The following ANK3 variants were observed in gnomAD, a reference collection of about 807,000 sequenced individuals.
The protein encoded by ANK3 is ankyrin-3.
A neutral mutation model predicts 370.9 loss-of-function variants in ANK3; 57 were observed. The observed-to-expected ratio is 0.15, with a 90% CI of 0.12 to 0.19. The LOEUF (loss-of-function observed/expected upper bound fraction) is 0.19. ANK3 is among the 10% of genes least tolerant of loss of function. ANK3 has a pLI of 1.00. For synonymous variants in ANK3, 1,929 were observed against 1,946.3 expected (o/e 0.99, Z 0.23); for missense variants, 4,439 against 5,302.1 (o/e 0.84, Z 5.06).
chr10:60,142,951 C>T (rs1031054574), intron 23 of ANK3, among the ~76,000 whole-genome samples: 1 of 152,136 alleles, frequency 6.6e-6, no homozygotes, highest in Non-Finnish European at 1.5e-5. Flanking sequence ...GTTCCAACCT[C>T]TATAAAACTG....
intron 23 of ANK3, among the ~76,000 whole-genome samples, chr10:60,149,390 C>T (rs1331696654): frequency 1.3e-5 from 2 of 152,130 alleles, no homozygotes; most frequent in African/African-American, 4.8e-5. Context: ...GGAAGCAGGT[C>T]AGACTTTTCA....
intron 28 of ANK3, among the ~76,000 whole-genome samples, chr10:60,100,234 G>GTGTTTTTTTTTTT (rs2090963725): frequency 1.7e-5 from 1 of 57,898 alleles, no homozygotes; most frequent in Non-Finnish European, 2.8e-5. Context: ...TTTTGCTATG[G>GTGTTTTTTTTTTT]TTTTTTTTTT....
chr10:60,235,919 A>G (rs1308877385), intron 7 of ANK3, among the ~76,000 whole-genome samples: 1 of 152,214 alleles, frequency 6.6e-6, no homozygotes, highest in Non-Finnish European at 1.5e-5. Context: ...ATCATCATAC[A>G]TAATCTGAAT....
chr10:60,550,892 A>G (rs1358269865), intron 2 of ANK3, among the ~76,000 whole-genome samples: 1 of 152,046 alleles, frequency 6.6e-6, no homozygotes, highest in Non-Finnish European at 1.5e-5. Flanking sequence ...TACATCAACC[A>G]TATCATTCCA....
rs531370168 is a variant in ANK3, at chr10:60,118,880, T to A, written c.2842-4549A>T. On this transcript the variant is annotated intron_variant, in intron 25 of 43. Coordinates refer to ENST00000280772, the MANE Select transcript of ANK3 (RefSeq NM_020987.5). The stretch of plus-strand genomic sequence containing the variant: ...ATGAATTATGTCTCACAAAAAGGTA[T>A]CACTGCAATCATGTAATATTTATCA... Among the ~76,000 whole-genome samples the A allele has an allele frequency of 2.0e-5, 3 of 152,348 alleles. No homozygotes were observed. In the East Asian group the frequency reaches 5.8e-4, roughly 29 times the overall value.
At chr10:60,152,603 G>A (rs542773468) in intron 23 of ANK3, among the ~76,000 whole-genome samples, 19 of 152,236 alleles carry the variant, frequency 1.2e-4, no homozygotes, top group South Asian at 1.0e-3. Context: ...AAAGCCTTGC[G>A]TGGGTTTTAG....
chr10:60,426,713 A>G (rs866052259), intron 2 of ANK3, among the ~76,000 whole-genome samples: 3 of 152,180 alleles, frequency 2.0e-5, no homozygotes, highest in African/African-American at 7.2e-5. Flanking sequence ...GCCGTCAAGC[A>G]TCTTCCCACA....
chr10:60,299,152 C>A (rs1436509397), intron 1 of ANK3, among the ~76,000 whole-genome samples: 1 of 152,124 alleles, frequency 6.6e-6, no homozygotes, highest in East Asian at 1.9e-4. Flanking sequence ...TTCTCTGAGA[C>A]ACACAGAATG....
intron 5 of ANK3, among the ~76,000 whole-genome samples, chr10:60,267,885 T>C (rs777497447): frequency 6.6e-6 from 1 of 152,210 alleles, no homozygotes; most frequent in Non-Finnish European, 1.5e-5. Flanking sequence ...TAACCAACAG[T>C]CTCTGCCTGT....
intron 2 of ANK3, among the ~76,000 whole-genome samples, chr10:60,599,319 T>C (rs950888353): frequency 1.5e-4 from 23 of 152,134 alleles, no homozygotes; most frequent in African/African-American, 5.5e-4. Flanking sequence ...TACTACAAAA[T>C]ATGTTAACTA....
chr10:60,169,915 G>A (rs995692231), intron 21 of ANK3, among the ~76,000 whole-genome samples: 4 of 152,086 alleles, frequency 2.6e-5, no homozygotes, highest in African/African-American at 4.8e-5. Flanking sequence ...ATTTACTTTT[G>A]TTGGGGGAGG....
At chr10:60,139,149 GA>G in intron 23 of ANK3, 62 bp from the exon 24 acceptor site, 1 of 1,579,138 alleles carries the variant, frequency 6.3e-7, no homozygotes, top group Non-Finnish European at 8.6e-7. Flanking sequence ...CAGCTGTGGA[GA>G]AAATCACTCC....
intron 1 of ANK3, among the ~76,000 whole-genome samples, chr10:60,732,746 C>T (rs2080041876): frequency 6.6e-6 from 1 of 152,014 alleles, no homozygotes; most frequent in Non-Finnish European, 1.5e-5. Context: ...CTTTCAGAGT[C>T]TGAAGGTAAC....
intron 2 of ANK3, among the ~76,000 whole-genome samples, chr10:60,533,155 C>A (rs183831775): frequency 1.3e-5 from 2 of 152,074 alleles, no homozygotes; most frequent in African/African-American, 4.8e-5. Context: ...AATTTGGACA[C>A]GACTGGACCA....
chr10:60,353,672 T>G (rs2057294626), intron 1 of ANK3, among the ~76,000 whole-genome samples: 1 of 152,208 alleles, frequency 6.6e-6, no homozygotes, highest in African/African-American at 2.4e-5. Flanking sequence ...ATTCCCTGCA[T>G]GTGCTGTTGC....
Position 60,186,844 on chromosome 10 carries a change from T to C in ANK3, c.1956A>G (p.Glu652=). 2 of 1,614,202 alleles carry C rather than the reference T, an allele frequency of 1.2e-6. No individual in the cohort carries two copies. Among genetic ancestry groups the C allele is most frequent in the Non-Finnish European group, 1.7e-6 (2 of 1,180,028 alleles). ...NQMDIATTLL[E]YGADANAVTR... is the part of the protein sequence containing the mutation. ...TAACTGCGTTGGCATCAGCACCATA[T>C]TCCAGCAGAGTTGTCGCTATGTCCA... Residue 652 remains glutamate, a synonymous_variant, in exon 17 of 44, where the codon GAA becomes GAG. Coordinates refer to ENST00000280772, the MANE Select transcript of ANK3 (RefSeq NM_020987.5).
At chr10:60,150,976 G>A (rs760707289) in intron 23 of ANK3, among the ~76,000 whole-genome samples, 1 of 152,164 alleles carries the variant, frequency 6.6e-6, no homozygotes, top group Non-Finnish European at 1.5e-5. Context: ...GTAACTGTGT[G>A]AACGTGAGCA....
rs761500975 is a variant in ANK3 at position 60,076,295 on chromosome 10, G to A, written c.4586C>T (p.Ser1529Phe). 11 of 1,614,004 alleles carry A rather than the reference G, an allele frequency of 6.8e-6. No individual in the cohort carries two copies. The highest frequency in any genetic ancestry group is 1.7e-5 in the Admixed American group (1 of 59,996). The change falls in exon 37 of 44, where the codon TCT becomes TTT. Residue 1529 changes from serine (S) to phenylalanine (F), a missense_variant. By Grantham distance (155) the Ser-to-Phe change is radical. Around this residue, in one of 13 missense-constraint regions of ANK3, gnomAD observed 679 missense variants for 791.0 expected, o/e 0.86. Coordinates refer to ENST00000280772, the MANE Select transcript of ANK3 (RefSeq NM_020987.5). ...TAACGGAGAAGCTGATGGCGTATTA[G>A]AGGAAGAACTTGATAAGGAAGTGAA... ...SGFTSLSSSS[S>F]NTPSASPLKS... is the part of the protein sequence containing the mutation.
At chr10:60,517,521 A>T (rs772922433) in intron 2 of ANK3, among the ~76,000 whole-genome samples, 1 of 152,142 alleles carries the variant, frequency 6.6e-6, no homozygotes, top group South Asian at 2.1e-4. Flanking sequence ...GGCCACGTGT[A>T]TGTATTTATT....
Sources: gnomAD v4.1 joint callset for allele counts (sites outside exome capture counted in the v4.1 genomes callset) on GRCh38, gnomAD v4.1.1 for gene constraint, gnomAD v4.1.1 regional missense constraint, MANE v1.5 for transcripts, NCBI Gene and HGNC (gene_info 2026-07-23, HGNC 2026-07-21) for gene names.